Variants in GSC observed in about 807,000 individuals in gnomAD.
The protein encoded by GSC is homeobox protein goosecoid.
A neutral mutation model predicts 24.5 loss-of-function variants in GSC; 13 were observed. That is an observed-to-expected ratio of 0.53 (90% CI 0.35 to 0.84). GSC has a LOEUF of 0.84. Among genes scored for constraint, GSC ranks in the 40% least tolerant of loss-of-function variants. The pLI, the probability that GSC is intolerant of heterozygous loss-of-function variation, is 0.01. For missense variants in GSC, 382 were observed against 384.2 expected, an observed-to-expected ratio of 0.99 and a Z score of 0.05; for synonymous variants, 199 against 182.1, an observed-to-expected ratio of 1.09 and a Z score of -0.75.
At chr14:94,769,532 C>T in intron 1 of GSC, 129 bp downstream of exon 1, 1 of 1,319,120 alleles carries the variant, frequency 7.6e-7, no homozygotes, top group Non-Finnish European at 9.9e-7. Flanking sequence ...CAAACTCCTG[C>T]GCCCGATCGG....
Position 94,768,302 on chromosome 14 carries a change from C to T in GSC, c.*189G>A, listed in dbSNP as rs1449537238. 1.4e-6 allele frequency: 1 copy of T among 695,960 alleles called. No homozygotes were observed. Among genetic ancestry groups the T allele is most frequent in the African/African-American group, 1.8e-5 (1 of 56,198 alleles). The allele number at this position is 695,960 out of a possible 1,614,324, so 43.1% of individuals were successfully genotyped here. On this transcript the variant is annotated 3_prime_UTR_variant, in exon 3 of 3. Transcript: ENST00000238558. ...GGTGGGGGCTAGTCGCGGGCGGCCT[C>T]GGGCTGCTGGGCTGTGCGCGCCCTG... is the stretch of plus-strand genomic sequence containing the variant.
chr14:94,768,362 A>G lies in GSC; in HGVS notation c.*129T>C. On this transcript the variant is annotated 3_prime_UTR_variant, in exon 3 of 3. Transcript: ENST00000238558. ...GCCGACCCTCCCGGCTCTGTACACT[A>G]TTTACAGCTCCTCGTTCCTCTTTCT... 2.4e-6 allele frequency: 3 copies of G among 1,259,930 alleles called. No individual in the cohort carries two copies. The highest frequency in any genetic ancestry group is 3.4e-6 in the Non-Finnish European group (3 of 871,008). 78.0% of individuals were successfully genotyped at this position (1,259,930 alleles called of 1,614,324 possible).
At position 94,769,650 on chromosome 14, in the gene GSC, C is replaced by A; in HGVS notation, c.355+11G>T. ...AGTGGGCGGCAGAGGCCGGAGCGAG[C>A]GCGACCCTACCTGGGGGCGTCGGGA... On this transcript the variant is annotated intron_variant, in intron 1 of 2. Transcript: ENST00000238558. 7.1e-7 allele frequency: 1 copy of A among 1,415,856 alleles called. No individual in the cohort carries two copies. The highest frequency in any genetic ancestry group is 1.6e-5 in the South Asian group (1 of 64,314). 87.7% of individuals were successfully genotyped at this position (1,415,856 alleles called of 1,614,324 possible).
Position 94,770,083 on chromosome 14 carries a change from G to T in GSC, c.-68C>A. The T allele has an allele frequency of 2.1e-6, 3 of 1,401,266 alleles. No homozygotes were observed. Among genetic ancestry groups the T allele is most frequent in the Middle Eastern group, 2.4e-4 (1 of 4,096 alleles). The allele number at this position is 1,401,266 out of a possible 1,614,324, so 86.8% of individuals were successfully genotyped here. A position where few individuals can be genotyped will look rare whatever the true frequency, so the allele number is the denominator to read the frequency against. On this transcript the variant is annotated 5_prime_UTR_variant, in exon 1 of 3. Transcript: ENST00000238558. Reference sequence around the variant, plus strand: ...CGAGGACAGAGCCTTAAAGTGGGGGGGTCCACTCTCCTCCAGCCGCCGACC... The same window carrying T: ...CGAGGACAGAGCCTTAAAGTGGGGGTGTCCACTCTCCTCCAGCCGCCGACC...
chr14:94,769,622 C>T (rs893595519), intron 1 of GSC, 39 bp downstream of exon 1: 1 of 1,402,910 alleles, frequency 7.1e-7, no homozygotes, highest in South Asian at 1.6e-5. Flanking sequence ...GGCTAAGGAC[C>T]GCAGTGGGCG....
intron 2 of GSC, 61 bp downstream of exon 2, chr14:94,768,897 A>G: frequency 1.3e-6 from 2 of 1,546,144 alleles, no homozygotes; most frequent in South Asian, 2.4e-5. Flanking sequence ...GGCAAACCCG[A>G]CTGGGGCCCC....
At position 94,768,287 on chromosome 14, in the gene GSC, A is replaced by T; in HGVS notation, c.*204T>A. The T allele has an allele frequency of 4.7e-6, 3 of 633,112 alleles. No homozygotes were observed. The highest frequency in any genetic ancestry group is 5.7e-6 in the Non-Finnish European group (2 of 352,536). The allele number at this position is 633,112 out of a possible 1,614,324, so 39.2% of individuals were successfully genotyped here. A position where few individuals can be genotyped will look rare whatever the true frequency, so the allele number is the denominator to read the frequency against. The stretch of plus-strand genomic sequence containing the variant: ...AACTATAAATACTACGGTGGGGGCT[A>T]GTCGCGGGCGGCCTCGGGCTGCTGG... On this transcript the variant is annotated 3_prime_UTR_variant, in exon 3 of 3. Transcript: ENST00000238558.
At chr14:94,768,880 A>T in intron 2 of GSC, 78 bp downstream of exon 2, 1 of 1,518,012 alleles carries the variant, frequency 6.6e-7, no homozygotes, top group Non-Finnish European at 8.9e-7. Context: ...AGAGCCAAGC[A>T]GGGCTGGGCA....
intron 1 of GSC, 134 bp downstream of exon 1, chr14:94,769,527 T>C: frequency 7.7e-7 from 1 of 1,306,294 alleles, no homozygotes; most frequent in African/African-American, 1.5e-5. Context: ...GTTTGCAAAC[T>C]CCTGCGCCCG....
chr14:94,768,622 A>C lies in GSC; in HGVS notation c.643T>G (p.Trp215Gly). The C allele has an allele frequency of 6.2e-7, 1 of 1,613,826 alleles. No individual in the cohort carries two copies. Among genetic ancestry groups the C allele is most frequent in the East Asian group, 2.2e-5 (1 of 44,866 alleles). Residue 215 changes from tryptophan (W) to glycine (G), a missense_variant, in exon 3 of 3, where the codon TGG (tryptophan) becomes GGG (glycine). By Grantham distance (184) the Trp-to-Gly change is radical (BLOSUM62 -2). Coordinates refer to ENST00000238558, the MANE Select transcript of GSC (RefSeq NM_173849.3). ...EVWFKNRRAK[W>G]RRQKRSSSEE... ...GATGAGGACCGCTTCTGCCGCCTCC[A>C]TTTGGCGCGGCGGTTCTTAAACCAG...
chr14:94,768,539 C>T lies in GSC; in HGVS notation c.726G>A (p.Pro242=), dbSNP rs1294145424. The T allele has an allele frequency of 1.9e-6, 3 of 1,614,084 alleles. No homozygotes were observed. The highest frequency in any genetic ancestry group is 2.7e-5 in the African/African-American group (2 of 74,942). ...WNKTSSSKAS[P]EKREEEGKSD... is the part of the protein sequence containing the mutation. ...TTTTACCTTCCTCTTCCCTCTTCTC[C>T]GGTGACGCCTTCGACGACGACGTCT... The change falls in exon 3 of 3, where the codon CCG becomes CCA. Residue 242 remains proline, a synonymous_variant. Coordinates refer to ENST00000238558, the MANE Select transcript of GSC (RefSeq NM_173849.3).
intron 2 of GSC, 93 bp downstream of exon 2, chr14:94,768,865 C>G (rs995293182): frequency 1.3e-6 from 2 of 1,497,914 alleles, no homozygotes; most frequent in Non-Finnish European, 1.8e-6. Flanking sequence ...TTTTAAAGTG[C>G]GGGGAGAGCC....
In GSC at chr14:94,770,084, G is replaced by T. The variant is rs1885256467; in HGVS notation, c.-69C>A. ...GAGGACAGAGCCTTAAAGTGGGGGG[G>T]TCCACTCTCCTCCAGCCGCCGACCA... is the stretch of plus-strand genomic sequence containing the variant. On this transcript the variant is annotated 5_prime_UTR_variant, in exon 1 of 3. Transcript: ENST00000238558. The T allele has an allele frequency of 1.4e-6, 2 of 1,398,424 alleles. No individual in the cohort carries two copies. Among genetic ancestry groups the T allele is most frequent in the East Asian group, 2.8e-5 (1 of 36,288 alleles). The allele number at this position is 1,398,424 out of a possible 1,614,324, so 86.6% of individuals were successfully genotyped here. A position where few individuals can be genotyped will look rare whatever the true frequency, so the allele number is the denominator to read the frequency against.
chr14:94,769,142 A>G lies in GSC; in HGVS notation c.431T>C (p.Leu144Pro). The G allele has an allele frequency of 6.4e-7, 1 of 1,572,106 alleles. No individual in the cohort carries two copies. Residue 144 changes from leucine (L) to proline (P), a missense_variant, in exon 2 of 3, where the codon CTG becomes CCG. Coordinates refer to ENST00000238558, the MANE Select transcript of GSC (RefSeq NM_173849.3). ...QMLPYMNVGT[L>P]SRTELQLLNQ... Reference sequence around the variant, plus strand: ...GAGAAGCTGCAGCTCGGTGCGCGACAGCGTGCCCACGTTCATGTAGGGCAG... The same window carrying G: ...GAGAAGCTGCAGCTCGGTGCGCGACGGCGTGCCCACGTTCATGTAGGGCAG...
rs1269666507 is a variant in GSC, at chr14:94,770,067, A to T, written c.-52T>A. ...GGCGGCGGGAACGCGCCGAGGACAG[A>T]GCCTTAAAGTGGGGGGGTCCACTCT... is the stretch of plus-strand genomic sequence containing the variant. On this transcript the variant is annotated 5_prime_UTR_variant, in exon 1 of 3. Transcript: ENST00000238558. 1 of 1,493,642 alleles carries T rather than the reference A, an allele frequency of 6.7e-7. No individual in the cohort carries two copies. 92.5% of individuals were successfully genotyped at this position (1,493,642 alleles called of 1,614,324 possible). A position where few individuals can be genotyped will look rare whatever the true frequency, so the allele number is the denominator to read the frequency against.
chr14:94,768,936 C>A, intron 2 of GSC, 22 bp downstream of exon 2: 1 of 1,568,610 alleles, frequency 6.4e-7, no homozygotes. Flanking sequence ...GCTAGGCGCC[C>A]ACGGCAGGCC....
intron 2 of GSC, 120 bp downstream of exon 2, chr14:94,768,838 G>C (rs1390722389): frequency 2.1e-6 from 3 of 1,435,646 alleles, no homozygotes; most frequent in Non-Finnish European, 2.8e-6. Context: ...GCAGCCTGCG[G>C]GCCGCCATCG....
In GSC at chr14:94,769,701, C is replaced by A; in HGVS notation, c.315G>T (p.Pro105=). ...CGCAGGAGCACTGCTGGGCGCCCAGCGGCGGCACGGCCCCGCAGCAGGCCG... is the reference window on the plus strand; with the variant it reads ...CGCAGGAGCACTGCTGGGCGCCCAGAGGCGGCACGGCCCCGCAGCAGGCCG... ...VGPACCGAVP[P]LGAQQCSCVP... is the part of the protein sequence containing the mutation. The change falls in exon 1 of 3, where the codon CCG becomes CCT. Residue 105 remains proline, a synonymous_variant. Coordinates refer to ENST00000238558, the MANE Select transcript of GSC (RefSeq NM_173849.3). 6.9e-7 allele frequency: 1 copy of A among 1,444,712 alleles called. No individual in the cohort carries two copies. Among genetic ancestry groups the A allele is most frequent in the East Asian group, 2.9e-5 (1 of 34,432 alleles). 89.5% of individuals were successfully genotyped at this position (1,444,712 alleles called of 1,614,324 possible). A position where few individuals can be genotyped will look rare whatever the true frequency, so the allele number is the denominator to read the frequency against.
chr14:94,768,764 A>G, intron 2 of GSC, 115 bp from the exon 3 acceptor site: 2 of 1,462,748 alleles, frequency 1.4e-6, no homozygotes, highest in Non-Finnish European at 9.4e-7. Flanking sequence ...CAACAAAAGG[A>G]GGGGAGCCGC....
Sources: allele counts gnomAD v4.1 joint callset, GRCh38; gene constraint gnomAD v4.1.1; transcripts MANE v1.5; gene names NCBI Gene and HGNC (gene_info 2026-07-23, HGNC 2026-07-21).